The following RBFOX2 variants were observed in gnomAD, a reference collection of about 807,000 sequenced individuals.
RBFOX2 encodes the protein RNA binding fox-1 homolog 2.
Under a neutral mutation model 49.1 loss-of-function variants are expected in RBFOX2, and 10 were observed. The observed-to-expected ratio is 0.20, with a 90% CI of 0.13 to 0.35. The LOEUF (loss-of-function observed/expected upper bound fraction) is 0.35, where lower values mean the gene tolerates loss of function less well. Ranked by LOEUF, RBFOX2 falls within the 10% of genes least tolerant of loss-of-function variation. The probability of loss-of-function intolerance (pLI) is 1.00; values close to 1 mark genes in which losing one functional copy is unlikely to be tolerated. For synonymous variants in RBFOX2, 183 were observed against 187.4 expected, an observed-to-expected ratio of 0.98 and a Z score of 0.19; for missense variants, 323 against 486.9, an observed-to-expected ratio of 0.66 and a Z score of 3.17.
Position 35,762,367 on chromosome 22 carries a change from A to AT in RBFOX2, c.608-900dup, listed in dbSNP as rs202044056. The stretch of plus-strand genomic sequence containing the variant: ...GAAAACTTTAATCAATATTAACTGA[A>AT]TTTTACATATAAGCAAAAATACTCT... On this transcript the variant is annotated intron_variant, in intron 6 of 11. Transcript: ENST00000405409. Among the ~76,000 whole-genome samples the AT allele has an allele frequency of 7.7e-3, 1,165 of 152,146 alleles. 51 individuals are homozygous for AT. The highest frequency in any genetic ancestry group is 0.07 in the Admixed American group (1,065 of 15,260).
intron 1 of RBFOX2, among the ~76,000 whole-genome samples, chr22:35,976,227 C>T (rs2057142123): frequency 6.6e-6 from 1 of 152,126 alleles, no homozygotes; most frequent in Admixed American, 6.6e-5. Context: ...ATGTTAAATC[C>T]CCCTGACTCC....
intron 1 of RBFOX2, among the ~76,000 whole-genome samples, chr22:35,954,529 C>G (rs1161051726): frequency 6.6e-6 from 1 of 152,186 alleles, no homozygotes; most frequent in African/African-American, 2.4e-5. Flanking sequence ...CCTCCATCCA[C>G]CCCTGCCCAG....
chr22:35,809,405 G>A (rs535856447), intron 2 of RBFOX2, among the ~76,000 whole-genome samples: 1 of 152,130 alleles, frequency 6.6e-6, no homozygotes, highest in South Asian at 2.1e-4. Flanking sequence ...ATGAAAGAAA[G>A]AAAGAAAGAA....
chr22:35,889,445 C>G (rs942157693), intron 1 of RBFOX2, among the ~76,000 whole-genome samples: 1 of 152,094 alleles, frequency 6.6e-6, no homozygotes, highest in Admixed American at 6.6e-5. Context: ...TGGTCCTCTT[C>G]TAAATTATAA....
At chr22:35,869,469 CAAAAAAAAAAAAAAAAAAAA>C (rs35854576) in intron 1 of RBFOX2, among the ~76,000 whole-genome samples, 57 of 30,536 alleles carry the variant, frequency 1.9e-3, no homozygotes, top group African/African-American at 3.5e-3. Context: ...AACGGCTGAC[CAAAAAAAAAAAAAAAAAAAA>C]AAAAAAAAAA....
chr22:35,972,209 T>C (rs1412445609), intron 1 of RBFOX2, among the ~76,000 whole-genome samples: 3 of 152,140 alleles, frequency 2.0e-5, no homozygotes, highest in African/African-American at 4.8e-5. Context: ...ATGCTATTTT[T>C]AGAAATTTGA....
intron 1 of RBFOX2, among the ~76,000 whole-genome samples, chr22:35,852,808 T>C (rs919187171): frequency 6.6e-6 from 1 of 152,176 alleles, no homozygotes; most frequent in Non-Finnish European, 1.5e-5. Flanking sequence ...GTGACTTAAT[T>C]ATAGAGGAAA....
chr22:35,885,039 A>G (rs896234553), intron 1 of RBFOX2, among the ~76,000 whole-genome samples: 4 of 152,198 alleles, frequency 2.6e-5, no homozygotes, highest in African/African-American at 9.7e-5. Flanking sequence ...GCAAACATCC[A>G]ATATTAGAGC....
At position 35,945,174 on chromosome 22, in the gene RBFOX2, C is replaced by A. The variant is rs1011096486; in HGVS notation, c.43-6277G>T. On this transcript the variant is annotated intron_variant, in intron 1 of 5. Transcript: ENST00000408983. ...CGAGCTCAGATTTTTCATTGACTTA[C>A]TCCCCAGTCGAAAATGAATTTCACA... Among the ~76,000 whole-genome samples, 8 of 152,250 alleles carry A rather than the reference C, an allele frequency of 5.3e-5. No homozygotes were observed. The East Asian group carries it at 5.8e-4, about 11-fold the overall frequency.
At position 35,756,086 on chromosome 22, in the gene RBFOX2, C is replaced by T. The variant is rs780639542; in HGVS notation, c.887+3802G>A. Reference sequence around the variant, plus strand: ...TTGTCAGGGGATGGGGTCGAGAAGGCCCCAGTGTGTGTACTTACATAGAGG... The same window carrying T: ...TTGTCAGGGGATGGGGTCGAGAAGGTCCCAGTGTGTGTACTTACATAGAGG... On this transcript the variant is annotated intron_variant, in intron 9 of 11. Coordinates refer to ENST00000405409, the Ensembl canonical transcript of RBFOX2. The T allele has an allele frequency of 9.3e-6, 13 of 1,395,402 alleles. No individual in the cohort carries two copies. In the East Asian group the frequency reaches 3.5e-4, roughly 38 times the overall value. The allele number at this position is 1,395,402 out of a possible 1,614,324, so 86.4% of individuals were successfully genotyped here.
At chr22:35,942,724 A>T (rs1222287676), upstream of RBFOX2, among the ~76,000 whole-genome samples, 2 of 117,238 alleles carry the variant, frequency 1.7e-5, no homozygotes, top group African/African-American at 6.5e-5. Flanking sequence ...CCCATCTCTT[A>T]AAAAAAAAAA....
intron 1 of RBFOX2, among the ~76,000 whole-genome samples, chr22:35,937,175 G>C (rs2053178230): frequency 2.0e-5 from 3 of 152,158 alleles, no homozygotes; most frequent in Non-Finnish European, 4.4e-5. Flanking sequence ...TACCCAATCA[G>C]AAACTCCGTG....
In RBFOX2 at chr22:36,002,656, C is replaced by A. The variant is rs544499812; in HGVS notation, c.186+25584G>T. Among the ~76,000 whole-genome samples the A allele has an allele frequency of 2.0e-5, 3 of 152,396 alleles. 1 individual carries two copies. The highest frequency in any genetic ancestry group is 4.8e-5 in the African/African-American group (2 of 41,602). Reference sequence around the variant, plus strand: ...TTCTAGTTCTTGAGACGGAGTCTCACTCTGTCACCCAAGCTCAAGTGCAAT... The same window carrying A: ...TTCTAGTTCTTGAGACGGAGTCTCAATCTGTCACCCAAGCTCAAGTGCAAT... On this transcript the variant is annotated intron_variant, in intron 1 of 13. Coordinates refer to the RBFOX2 transcript ENST00000438146.
upstream of RBFOX2, among the ~76,000 whole-genome samples, chr22:35,962,363 A>C (rs560086148): frequency 1.5e-3 from 233 of 152,326 alleles, 1 homozygote; most frequent in Non-Finnish European, 1.8e-3. Context: ...AACTTAACAA[A>C]TTCTCACATA....
At chr22:35,753,771 CTTTTTTTTTT>C (rs869178693) in intron 9 of RBFOX2, among the ~76,000 whole-genome samples, 9 of 54,470 alleles carry the variant, frequency 1.7e-4, no homozygotes, top group South Asian at 8.1e-4. Context: ...GTAGACAAGT[CTTTTTTTTTT>C]TTTTTTTTTT....
intron 1 of RBFOX2, among the ~76,000 whole-genome samples, chr22:35,820,277 CCTGATAATTCAG>C (rs1954178298): frequency 1.3e-5 from 2 of 152,108 alleles, no homozygotes; most frequent in African/African-American, 4.8e-5. Flanking sequence ...GGGAGGCGAC[CCTGATAATTCAG>C]CTGAGATGAA....
rs191917354 is a variant in RBFOX2, at chr22:35,835,114, C to T, written c.27+5078G>A. Among the ~76,000 whole-genome samples, 13 of 152,126 alleles carry T rather than the reference C, an allele frequency of 8.5e-5. No homozygotes were observed. The East Asian group carries it at 2.5e-3, about 29-fold the overall frequency. On this transcript the variant is annotated intron_variant, in intron 1 of 11. Transcript: ENST00000405409. ...AGCAAAGTATTTACTGCAGGGGAGC[C>T]TTGTATTTGTGCCTGGCAAATTTCA...
chr22:35,924,650 C>T (rs934853000), intron 1 of RBFOX2, among the ~76,000 whole-genome samples: 1 of 152,168 alleles, frequency 6.6e-6, no homozygotes, highest in Non-Finnish European at 1.5e-5. Context: ...CCACTTTGTC[C>T]ATAAGAGAAA....
intron 1 of RBFOX2, chr22:35,897,587 G>A: frequency 2.0e-6 from 2 of 983,930 alleles, no homozygotes; most frequent in Non-Finnish European, 3.3e-6. Context: ...AGGTCAAAGA[G>A]GAGATATCGA....
Sources: allele counts gnomAD v4.1 joint callset (sites outside exome capture counted in the v4.1 genomes callset), GRCh38; gene constraint gnomAD v4.1.1; transcripts MANE v1.5; gene names NCBI Gene and HGNC (gene_info 2026-07-23, HGNC 2026-07-21).